Variants in SMAD5 observed in about 807,000 individuals in gnomAD.
SMAD5 encodes MAD, mothers against decapentaplegic homolog 5.
Under a neutral mutation model 43.1 loss-of-function variants are expected in SMAD5, and 9 were observed. That is an observed-to-expected ratio of 0.21 (90% CI 0.13 to 0.36). SMAD5 has a LOEUF of 0.36. Ranked by LOEUF, SMAD5 falls within the 10% of genes least tolerant of loss-of-function variation. The pLI is 1.00. For synonymous variants in SMAD5, 190 were observed against 192.4 expected (o/e 0.99, Z 0.10); for missense variants, 348 against 574.0 (o/e 0.61, Z 4.02).
chr5:136,164,343 A>G (rs1753924996), intron 5 of SMAD5, among the ~76,000 whole-genome samples: 1 of 152,324 alleles, frequency 6.6e-6, no homozygotes, highest in African/African-American at 2.4e-5. Flanking sequence ...CGGCAGTACC[A>G]TTTTACATTC....
At chr5:136,139,171 T>A (rs1752987752) in intron 1 of SMAD5, among the ~76,000 whole-genome samples, 1 of 151,946 alleles carries the variant, frequency 6.6e-6, no homozygotes, top group Admixed American at 6.6e-5. Flanking sequence ...TTTCTGTATG[T>A]TTTTCTGTAT....
At position 136,182,347 on chromosome 5, in the gene SMAD5, G is replaced by GT. The variant is rs1362483168; in HGVS notation, c.*4869dup. The GT allele has an allele frequency of 6.6e-6, 1 of 152,026 alleles. No individual in the cohort carries two copies. Among genetic ancestry groups the GT allele is most frequent in the Non-Finnish European group, 1.5e-5 (1 of 68,000 alleles). The allele number at this position is 152,026 out of a possible 1,614,324, so 9.4% of individuals were successfully genotyped here. On this transcript the variant is annotated 3_prime_UTR_variant, in exon 8 of 8. Coordinates refer to ENST00000545279, the MANE Select transcript of SMAD5 (RefSeq NM_005903.7). ...ACTATAGGAACTCTAGAAGATAATG[G>GT]TTAGGCAAGTGATTTTTTTTTTAAA...
At chr5:136,135,445 T>C (rs1227786203) in intron 1 of SMAD5, among the ~76,000 whole-genome samples, 1 of 152,238 alleles carries the variant, frequency 6.6e-6, no homozygotes, top group Non-Finnish European at 1.5e-5. Context: ...TCCTTTGCAT[T>C]GAACGGAGGC....
At chr5:136,151,588 TATG>T (rs1375901897) in intron 2 of SMAD5, among the ~76,000 whole-genome samples, 10 of 152,062 alleles carry the variant, frequency 6.6e-5, no homozygotes, top group Non-Finnish European at 1.3e-4. Context: ...CCTGATCATG[TATG>T]ATATTGTATT....
At chr5:136,164,736 C>T (rs1222453362) in intron 5 of SMAD5, among the ~76,000 whole-genome samples, 2 of 151,898 alleles carry the variant, frequency 1.3e-5, no homozygotes, top group African/African-American at 2.4e-5. Flanking sequence ...TCCATTTTGT[C>T]AGTTTTTTCA....
chr5:136,165,061 A>G (rs1276385542), intron 5 of SMAD5, among the ~76,000 whole-genome samples: 2 of 152,184 alleles, frequency 1.3e-5, no homozygotes, highest in Non-Finnish European at 2.9e-5. Context: ...TTACATATCT[A>G]TACCTCATAG....
chr5:136,136,862 A>G (rs1752897319), intron 1 of SMAD5, among the ~76,000 whole-genome samples: 1 of 151,880 alleles, frequency 6.6e-6, no homozygotes, highest in Non-Finnish European at 1.5e-5. Context: ...CGTCCAGCTC[A>G]TTTTTTGAAT....
chr5:136,136,217 G>A (rs894375441), intron 1 of SMAD5, among the ~76,000 whole-genome samples: 3 of 152,142 alleles, frequency 2.0e-5, no homozygotes, highest in South Asian at 2.1e-4. Flanking sequence ...TAGCTCTGTC[G>A]CCCAATCTGG....
intron 7 of SMAD5, 59 bp downstream of exon 7, chr5:136,174,691 G>A: frequency 8.1e-7 from 1 of 1,230,836 alleles, no homozygotes; most frequent in Non-Finnish European, 1.1e-6. Context: ...TATGACTTTA[G>A]GTTATAATTT....
chr5:136,175,807 C>T (rs2149782282), intron 7 of SMAD5, among the ~76,000 whole-genome samples: 1 of 152,242 alleles, frequency 6.6e-6, no homozygotes, highest in East Asian at 1.9e-4. Context: ...TTTCTGCCTT[C>T]TTGTACAGTA....
At position 136,166,021 on chromosome 5, in the gene SMAD5, A is replaced by G. The variant is rs149377457; in HGVS notation, c.775+2630A>G. Among the ~76,000 whole-genome samples the G allele has an allele frequency of 4.7e-4, 72 of 152,210 alleles. 1 individual carries two copies. The highest frequency in any genetic ancestry group is 1.6e-3 in the African/African-American group (68 of 41,562). On this transcript the variant is annotated intron_variant, in intron 5 of 7. Coordinates refer to ENST00000545279, the MANE Select transcript of SMAD5 (RefSeq NM_005903.7). ...CCATACTGTTTTCCACAGTGGATGTACCATTTTATATTCTCAGCAACAGTG... is the reference window on the plus strand; with the variant it reads ...CCATACTGTTTTCCACAGTGGATGTGCCATTTTATATTCTCAGCAACAGTG...
At chr5:136,161,553 TAA>T (rs1297422578) in intron 4 of SMAD5, among the ~76,000 whole-genome samples, 1 of 152,274 alleles carries the variant, frequency 6.6e-6, no homozygotes, top group Non-Finnish European at 1.5e-5. Flanking sequence ...TGTCTAACTC[TAA>T]AGTCTGTGAT....
At position 136,137,051 on chromosome 5, in the gene SMAD5, AG is replaced by A. The variant is rs1752907717; in HGVS notation, c.-245+4095del. Among the ~76,000 whole-genome samples, 5 of 119,306 alleles carry A rather than the reference AG, an allele frequency of 4.2e-5. No homozygotes were observed. In the East Asian group the frequency reaches 1.2e-3, roughly 28 times the overall value. The allele number at this position is 119,306 out of a possible 152,430, so 78.3% of individuals were successfully genotyped here. A position where few individuals can be genotyped will look rare whatever the true frequency, so the allele number is the denominator to read the frequency against. On this transcript the variant is annotated intron_variant, in intron 1 of 7. Transcript: ENST00000545279. ...TTTTTTTTTTTTGCCTTGGGCAGCT[AG>A]GGGGGATGTTTTTGGCCCAGTTCTA... is the stretch of plus-strand genomic sequence containing the variant.
intron 5 of SMAD5, among the ~76,000 whole-genome samples, chr5:136,169,660 T>C (rs1367724081): frequency 6.6e-6 from 1 of 152,200 alleles, no homozygotes; most frequent in African/African-American, 2.4e-5. Context: ...CCAAATTTTA[T>C]GGTAGGAGTA....
intron 1 of SMAD5, among the ~76,000 whole-genome samples, chr5:136,143,001 C>T (rs1306467354): frequency 6.6e-6 from 1 of 152,070 alleles, no homozygotes; most frequent in Non-Finnish European, 1.5e-5. Context: ...CAAATGTCTC[C>T]TCTGTCTAAT....
intron 6 of SMAD5, 106 bp downstream of exon 6, chr5:136,172,761 C>T (rs779296470): frequency 6.6e-6 from 5 of 760,372 alleles, no homozygotes; most frequent in Admixed American, 2.0e-5. Context: ...AAGTTTGACA[C>T]GTGGCCTCTG....
chr5:136,162,774 A>G (rs1314011108), intron 4 of SMAD5, among the ~76,000 whole-genome samples: 1 of 152,220 alleles, frequency 6.6e-6, no homozygotes, highest in Non-Finnish European at 1.5e-5. Context: ...TGGATGTTGC[A>G]CAAGCGTTAG....
intron 5 of SMAD5, among the ~76,000 whole-genome samples, chr5:136,167,170 AT>A (rs34121485): frequency 0.37 from 54,334 of 148,254 alleles, 10,699 homozygotes; most frequent in African/African-American, 0.54. Flanking sequence ...TTCGCCTAGC[AT>A]TTTTTTTTTT....
chr5:136,158,106 A>G (rs892276442), intron 3 of SMAD5, among the ~76,000 whole-genome samples: 1 of 152,228 alleles, frequency 6.6e-6, no homozygotes, highest in African/African-American at 2.4e-5. Context: ...AGAATAATAT[A>G]TTCTGGAAAT....
Sources: allele counts gnomAD v4.1 joint callset (sites outside exome capture counted in the v4.1 genomes callset), GRCh38; gene constraint gnomAD v4.1.1; transcripts MANE v1.5; gene names NCBI Gene and HGNC (gene_info 2026-07-23, HGNC 2026-07-21).